DLG1: variants seen among roughly 807,000 people sequenced by gnomAD.
DLG1 encodes discs large MAGUK scaffold protein 1.
DLG1 carries 42 observed loss-of-function variants against 123.4 expected under a neutral mutation model. The ratio of observed to expected loss-of-function variants is 0.34; its 90% CI spans 0.27 to 0.44. DLG1 has a LOEUF of 0.44. Ranked by LOEUF, DLG1 falls within the 20% of genes least tolerant of loss-of-function variation. The pLI is 1.00. For synonymous variants in DLG1, 317 were observed against 356.2 expected, an observed-to-expected ratio of 0.89 and a Z score of 1.24; for missense variants, 942 against 1,082.6, an observed-to-expected ratio of 0.87 and a Z score of 1.82.
At chr3:197,221,356 T>G (rs980808249) in intron 4 of DLG1, among the ~76,000 whole-genome samples, 1 of 151,854 alleles carries the variant, frequency 6.6e-6, no homozygotes, top group Non-Finnish European at 1.5e-5. Flanking sequence ...CCATCTCTAC[T>G]AAACATACAA....
chr3:197,246,136 T>C (rs1037426701), intron 4 of DLG1, among the ~76,000 whole-genome samples: 16 of 152,200 alleles, frequency 1.1e-4, no homozygotes, highest in Non-Finnish European at 2.4e-4. Context: ...GACCGATTAT[T>C]GGGCAGTCTT....
chr3:197,052,504 C>T (rs1015406843), intron 23 of DLG1, among the ~76,000 whole-genome samples: 2 of 152,036 alleles, frequency 1.3e-5, no homozygotes, highest in Non-Finnish European at 2.9e-5. Context: ...AAAATAAAAA[C>T]TAGATTTAGT....
At chr3:197,099,369 C>T (rs78359788) in intron 14 of DLG1, among the ~76,000 whole-genome samples, 6,311 of 152,238 alleles carry the variant, frequency 0.041, 182 homozygotes, top group Non-Finnish European at 0.054. Flanking sequence ...TTTATTTTGA[C>T]GGAAGAGTTT....
At chr3:197,282,490 G>T (rs2151154503) in intron 4 of DLG1, 189 bp downstream of exon 4, 2 of 380,466 alleles carry the variant, frequency 5.3e-6, no homozygotes, top group South Asian at 2.0e-4. Flanking sequence ...TTTAAAACAG[G>T]GGCAACAGAG....
chr3:197,093,104 A>C (rs1210566732), intron 14 of DLG1, among the ~76,000 whole-genome samples: 1 of 152,064 alleles, frequency 6.6e-6, no homozygotes. Flanking sequence ...CCATATTTTT[A>C]TATCTGTATA....
At chr3:197,061,912 T>C (rs1378684803) in intron 22 of DLG1, among the ~76,000 whole-genome samples, 1 of 152,230 alleles carries the variant, frequency 6.6e-6, no homozygotes, top group Admixed American at 6.5e-5. Flanking sequence ...ACTTTGAGAC[T>C]ATATAAATAT....
upstream of DLG1, chr3:197,298,964 T>C (rs764708272): frequency 6.0e-6 from 1 of 166,112 alleles, no homozygotes; most frequent in Non-Finnish European, 1.3e-5. Flanking sequence ...ATTCATTCAT[T>C]CATTTCCCTC....
At chr3:197,206,902 G>A (rs1300850614) in intron 4 of DLG1, among the ~76,000 whole-genome samples, 1 of 152,108 alleles carries the variant, frequency 6.6e-6, no homozygotes, top group Non-Finnish European at 1.5e-5. Context: ...AGGTATCCAG[G>A]TAGAAAATGA....
At chr3:197,105,110 T>G in intron 13 of DLG1, 105 bp from the exon 14 acceptor site, 2 of 634,536 alleles carry the variant, frequency 3.2e-6, no homozygotes, top group Non-Finnish European at 5.4e-6. Context: ...TTAGTTGCAA[T>G]AACTTTACCA....
chr3:197,114,229 T>A (rs1274834561), intron 13 of DLG1, among the ~76,000 whole-genome samples: 1 of 152,068 alleles, frequency 6.6e-6, no homozygotes, highest in African/African-American at 2.4e-5. Context: ...AAGACATGAC[T>A]CCTCTGACTC....
In DLG1 at chr3:197,279,902, C is replaced by T. The variant is rs78714828; in HGVS notation, c.318+2777G>A. ...ATGGTATGTATTTATAGGGTACATG[C>T]GATATTTGGTACGTGCATACAATGT... is the stretch of plus-strand genomic sequence containing the variant. On this transcript the variant is annotated intron_variant, in intron 4 of 24. Coordinates refer to ENST00000667157, the MANE Select transcript of DLG1 (RefSeq NM_001366207.1). Among the ~76,000 whole-genome samples, 5 of 152,112 alleles carry T rather than the reference C, an allele frequency of 3.3e-5. No homozygotes were observed. In the East Asian group the frequency reaches 7.7e-4, roughly 23 times the overall value.
Position 197,051,557 on chromosome 3 carries a change from T to TGTTA in DLG1, c.2575+16_2575+19dup. 1 of 1,598,428 alleles carries TGTTA rather than the reference T, an allele frequency of 6.3e-7. No individual in the cohort carries two copies. Among genetic ancestry groups the TGTTA allele is most frequent in the Non-Finnish European group, 8.6e-7 (1 of 1,166,848 alleles). ...AGCAAAATTCTATCTTAAAGAGGAC[T>TGTTA]GTTACAACACGGTTCCAACCTGTGA... On this transcript the variant is annotated intron_variant, in intron 24 of 24. Transcript: ENST00000667157.
chr3:197,259,643 T>C (rs1284727757), intron 4 of DLG1, among the ~76,000 whole-genome samples: 1 of 152,164 alleles, frequency 6.6e-6, no homozygotes, highest in East Asian at 1.9e-4. Context: ...TCACACAATG[T>C]CTGCAAACTG....
chr3:197,218,559 C>T (rs1323735697), intron 4 of DLG1, among the ~76,000 whole-genome samples: 4 of 152,182 alleles, frequency 2.6e-5, no homozygotes, highest in African/African-American at 9.7e-5. Flanking sequence ...TACTATCAAA[C>T]AAGTTATTAT....
At chr3:197,180,756 G>A (rs1219592324) in intron 5 of DLG1, among the ~76,000 whole-genome samples, 1 of 151,582 alleles carries the variant, frequency 6.6e-6, no homozygotes, top group African/African-American at 2.4e-5. Flanking sequence ...AAAAGGCAGT[G>A]GAAAAGGAGA....
At chr3:197,089,808 C>T (rs1756715015) in intron 15 of DLG1, among the ~76,000 whole-genome samples, 1 of 151,884 alleles carries the variant, frequency 6.6e-6, no homozygotes, top group Admixed American at 6.6e-5. Flanking sequence ...CTTTTAATGA[C>T]TTTGGAACAC....
At chr3:197,115,891 A>G (rs202067320) in intron 13 of DLG1, 36 bp downstream of exon 13, 2 of 1,599,168 alleles carry the variant, frequency 1.3e-6, no homozygotes, top group Non-Finnish European at 1.7e-6. Context: ...GTCCAGTGAA[A>G]ATAACAAAAA....
At chr3:197,253,730 G>T (rs539962237) in intron 4 of DLG1, among the ~76,000 whole-genome samples, 23 of 152,252 alleles carry the variant, frequency 1.5e-4, no homozygotes, top group African/African-American at 5.3e-4. Context: ...CTACAAAAAG[G>T]CCTCGAGTGA....
intron 1 of DLG1, chr3:197,297,545 T>G (rs1032542331): frequency 9.0e-7 from 1 of 1,110,706 alleles, no homozygotes; most frequent in Non-Finnish European, 1.1e-6. Context: ...ACTCCCCACC[T>G]GCTACTGGGT....
Sources: gnomAD v4.1 joint callset for allele counts (sites outside exome capture counted in the v4.1 genomes callset) on GRCh38, gnomAD v4.1.1 for gene constraint, MANE v1.5 for transcripts, NCBI Gene and HGNC (gene_info 2026-07-23, HGNC 2026-07-21) for gene names.